MAP3K14: variants seen among roughly 807,000 people sequenced by gnomAD.
MAP3K14 encodes the protein NF-kappa-beta-inducing kinase.
MAP3K14 carries 16 observed loss-of-function variants against 99.2 expected under a neutral mutation model. The observed-to-expected ratio is 0.16, with a 90% CI of 0.11 to 0.24. MAP3K14 has a LOEUF of 0.24. Ranked by LOEUF, MAP3K14 falls within the 10% of genes least tolerant of loss-of-function variation. The probability of loss-of-function intolerance (pLI) is 1.00; values close to 1 mark genes in which losing one functional copy is unlikely to be tolerated. For synonymous variants in MAP3K14, 462 were observed against 492.4 expected (o/e 0.94, Z 0.82); for missense variants, 784 against 1,208.7 (o/e 0.65, Z 5.21).
intron 11 of MAP3K14, among the ~76,000 whole-genome samples, chr17:45,268,894 G>GC (rs1006382853): frequency 2.0e-5 from 3 of 152,092 alleles, no homozygotes; most frequent in African/African-American, 4.8e-5. Context: ...GCAGCCAGGT[G>GC]CCCCCCCAGA....
At chr17:45,266,969 C>T (rs2143768550) in intron 13 of MAP3K14, 123 bp downstream of exon 13, 5 of 777,464 alleles carry the variant, frequency 6.4e-6, no homozygotes, top group Admixed American at 2.5e-5. Context: ...CCCCATCACC[C>T]TCCCTTTACC....
At position 45,267,811 on chromosome 17, in the gene MAP3K14, C is replaced by T. The variant is rs974387560; in HGVS notation, c.1973-52G>A. On this transcript the variant is annotated intron_variant, in intron 11 of 15. Coordinates refer to ENST00000344686, the MANE Select transcript of MAP3K14 (RefSeq NM_003954.5). The surrounding 1 kb of genome is among the most constrained non-coding windows in gnomAD (Gnocchi z 5.1). ...GGGGAAGCGTGCTGTGCACAGACAG[C>T]GGTCCAGGCAGGAGCGGCCTCTCCT... 3.4e-5 allele frequency: 51 copies of T among 1,515,298 alleles called. No individual in the cohort carries two copies. The highest frequency in any genetic ancestry group is 1.1e-4 in the African/African-American group (8 of 72,112). 93.9% of individuals were successfully genotyped at this position (1,515,298 alleles called of 1,614,324 possible). A position where few individuals can be genotyped will look rare whatever the true frequency, so the allele number is the denominator to read the frequency against.
intron 6 of MAP3K14, chr17:45,281,590 A>G (rs566773558): frequency 6.7e-6 from 1 of 150,208 alleles, no homozygotes; most frequent in Non-Finnish European, 1.5e-5. Flanking sequence ...TTGGTCTCCC[A>G]AAGTGCTGGG....
intron 1 of MAP3K14, among the ~76,000 whole-genome samples, chr17:45,314,938 G>T (rs1405753597): frequency 1.3e-5 from 2 of 151,290 alleles, no homozygotes; most frequent in Admixed American, 6.6e-5. Flanking sequence ...AACAACCCTG[G>T]ATAAAGCTTT....
chr17:45,295,000 C>T (rs1484533718), intron 1 of MAP3K14, among the ~76,000 whole-genome samples: 1 of 152,164 alleles, frequency 6.6e-6, no homozygotes, highest in Non-Finnish European at 1.5e-5. Flanking sequence ...TTTTCTCTGA[C>T]AGTAAAATTT....
intron 1 of MAP3K14, among the ~76,000 whole-genome samples, chr17:45,305,621 C>G (rs1419003079): frequency 2.6e-5 from 4 of 152,132 alleles, no homozygotes; most frequent in African/African-American, 7.2e-5. Context: ...AGGCTGATCT[C>G]AAACTCCTGG....
At chr17:45,279,449 T>C (rs1264498412) in intron 6 of MAP3K14, among the ~76,000 whole-genome samples, 2 of 151,184 alleles carry the variant, frequency 1.3e-5, no homozygotes, top group African/African-American at 2.4e-5. Context: ...CTTTTTTTTT[T>C]TGAGACGGAG....
At chr17:45,312,022 C>T (rs537893482) in intron 1 of MAP3K14, among the ~76,000 whole-genome samples, 1 of 152,352 alleles carries the variant, frequency 6.6e-6, no homozygotes, top group East Asian at 1.9e-4. Flanking sequence ...CTCCTGCCCC[C>T]TGCCTCCATA....
In MAP3K14 at chr17:45,272,980, A is replaced by G. The variant is rs1261990649; in HGVS notation, c.1657+523T>C. ...AAAATTTGTGATTCTCTCTCTGGGT[A>G]AGAGACATGGTGAGAATTCTGTTCT... On this transcript the variant is annotated intron_variant, in intron 9 of 15. Coordinates refer to ENST00000344686, the MANE Select transcript of MAP3K14 (RefSeq NM_003954.5). The surrounding 1 kb of genome is among the most constrained non-coding windows in gnomAD (Gnocchi z 4.1). Among the ~76,000 whole-genome samples, 2 of 152,184 alleles carry G rather than the reference A, an allele frequency of 1.3e-5. No homozygotes were observed. Among genetic ancestry groups the G allele is most frequent in the South Asian group, 2.1e-4 (1 of 4,828 alleles).
chr17:45,309,254 A>G (rs1340711369), intron 1 of MAP3K14, among the ~76,000 whole-genome samples: 1 of 152,216 alleles, frequency 6.6e-6, no homozygotes, highest in African/African-American at 2.4e-5. Flanking sequence ...AGGGTGAGAG[A>G]AATACCAAGG....
chr17:45,267,439 C>A lies in MAP3K14; in HGVS notation c.2293G>T (p.Val765Phe), dbSNP rs777448729. 1 of 1,605,700 alleles carries A rather than the reference C, an allele frequency of 6.2e-7. No homozygotes were observed. Among genetic ancestry groups the A allele is most frequent in the Non-Finnish European group, 8.5e-7 (1 of 1,176,134 alleles). ...AGCTGCTGCAGTTCCTGCTCCGGGA[C>A]GGTTGCTTTCCGCTCTGGTGAGCTG... The part of the protein sequence containing the change: ...NPSSPERKAT[V>F]PEQELQQLEI... Residue 765 changes from valine to phenylalanine, a missense_variant, in exon 12 of 16, where the codon GTC becomes TTC. This residue lies in a region of MAP3K14 where 128 missense variants were observed against 143.3 expected (regional missense o/e 0.89). Transcript: ENST00000344686. The surrounding 1 kb of genome is among the most constrained non-coding windows in gnomAD (Gnocchi z 5.1).
At chr17:45,302,635 A>T (rs2044399369) in intron 1 of MAP3K14, among the ~76,000 whole-genome samples, 1 of 152,216 alleles carries the variant, frequency 6.6e-6, no homozygotes, top group South Asian at 2.1e-4. Context: ...CATGAAAACA[A>T]CTAAAAAAGA....
At chr17:45,310,112 CA>C (rs1213656455) in intron 1 of MAP3K14, among the ~76,000 whole-genome samples, 2 of 149,258 alleles carry the variant, frequency 1.3e-5, no homozygotes, top group Admixed American at 6.7e-5. Context: ...TGGCTCACTG[CA>C]ACCTCCACCT....
chr17:45,284,850 C>T lies in MAP3K14; in HGVS notation c.1252G>A (p.Glu418Lys), dbSNP rs749187758. 1.3e-6 allele frequency: 2 copies of T among 1,592,372 alleles called. No individual in the cohort carries two copies. Among genetic ancestry groups the T allele is most frequent in the Non-Finnish European group, 1.7e-6 (2 of 1,169,670 alleles). ...RGSFGEVHRMEDKQTGFQCAV... is the reference protein window; with the variant it reads ...RGSFGEVHRMKDKQTGFQCAV... ...CACTGGAAGCCAGTCTGCTTGTCCT[C>T]CATCCTGTGCACCTCTCCGAAGGAG... Residue 418 changes from glutamate (E) to lysine (K), a missense_variant, in exon 6 of 16, where the codon GAG becomes AAG. Coordinates refer to ENST00000344686, the MANE Select transcript of MAP3K14 (RefSeq NM_003954.5).
At chr17:45,271,628 G>A (rs746694102) in intron 9 of MAP3K14, among the ~76,000 whole-genome samples, 1 of 152,236 alleles carries the variant, frequency 6.6e-6, no homozygotes, top group Non-Finnish European at 1.5e-5. Flanking sequence ...TTACAGGCAT[G>A]AGCCACTGTG....
chr17:45,299,721 A>C (rs2044371827), intron 1 of MAP3K14, among the ~76,000 whole-genome samples: 1 of 152,242 alleles, frequency 6.6e-6, no homozygotes, highest in African/African-American at 2.4e-5. Context: ...GGAGGATATG[A>C]AATGTGAAGG....
At chr17:45,302,609 A>C (rs188179853) in intron 1 of MAP3K14, among the ~76,000 whole-genome samples, 119 of 152,248 alleles carry the variant, frequency 7.8e-4, no homozygotes, top group African/African-American at 2.6e-3. Flanking sequence ...TGCCCGGCCA[A>C]GTATTACTTT....
chr17:45,312,233 C>G (rs961199078), intron 1 of MAP3K14, among the ~76,000 whole-genome samples: 2 of 152,220 alleles, frequency 1.3e-5, no homozygotes, highest in Non-Finnish European at 2.9e-5. Flanking sequence ...CAAATGCACT[C>G]TGTGGGGCCA....
In MAP3K14 at chr17:45,273,573, G is replaced by C; in HGVS notation, c.1587C>G (p.His529Gln). The C allele has an allele frequency of 6.2e-7, 1 of 1,613,458 alleles. No individual in the cohort carries two copies. Among genetic ancestry groups the C allele is most frequent in the Non-Finnish European group, 8.5e-7 (1 of 1,179,698 alleles). ...DNVLLSSDGS[H>Q]AALCDFGHAV... Reference sequence around the variant, plus strand: ...CATGGCCAAAGTCACAGAGGGCTGCGTGGCTCCCATCGCTGGACAGGAGCA... The same window carrying C: ...CATGGCCAAAGTCACAGAGGGCTGCCTGGCTCCCATCGCTGGACAGGAGCA... Residue 529 changes from histidine to glutamine, a missense_variant, in exon 9 of 16, where the codon CAC becomes CAG. This residue lies in a region of MAP3K14 where 200 missense variants were observed against 367.9 expected (regional missense o/e 0.54). Transcript: ENST00000344686.
Sources: gnomAD v4.1 joint callset for allele counts (sites outside exome capture counted in the v4.1 genomes callset) on GRCh38, gnomAD v4.1.1 for gene constraint, gnomAD v4.1.1 regional missense constraint, Gnocchi (gnomAD v3.1) non-coding constraint, MANE v1.5 for transcripts, NCBI Gene and HGNC (gene_info 2026-07-23, HGNC 2026-07-21) for gene names.